Variants in CHIC2 observed in about 807,000 individuals in gnomAD.
CHIC2 encodes cysteine rich hydrophobic domain 2.
A neutral mutation model predicts 25.9 loss-of-function variants in CHIC2; 14 were observed. The ratio of observed to expected loss-of-function variants is 0.54; its 90% CI spans 0.36 to 0.85. The LOEUF (loss-of-function observed/expected upper bound fraction) is 0.85, where lower values mean the gene tolerates loss of function less well. Ranked by LOEUF, CHIC2 falls within the 40% of genes least tolerant of loss-of-function variation. CHIC2 has a pLI of 0.01. For missense variants in CHIC2, 146 were observed against 202.0 expected, an observed-to-expected ratio of 0.72 and a Z score of 1.68; for synonymous variants, 70 against 72.0, an observed-to-expected ratio of 0.97 and a Z score of 0.14.
intron 3 of CHIC2, among the ~76,000 whole-genome samples, chr4:54,035,650 T>C (rs1716361746): frequency 1.3e-5 from 2 of 152,192 alleles, no homozygotes; most frequent in Non-Finnish European, 2.9e-5. Flanking sequence ...ATTTATTAAT[T>C]TTATTGATCT....
the CHIC2 span, among the ~76,000 whole-genome samples, chr4:54,074,862 C>G: frequency 6.6e-6 from 1 of 152,194 alleles, no homozygotes; most frequent in African/African-American, 2.4e-5. Context: ...AATCCCAACA[C>G]TTTGTGAGGC....
At chr4:54,049,144 A>G (rs923619223) in intron 2 of CHIC2, 34 bp from the exon 3 acceptor site, 4 of 1,576,460 alleles carry the variant, frequency 2.5e-6, no homozygotes, top group Non-Finnish European at 3.4e-6. Context: ...ATAACAATGC[A>G]ATATTAATGT....
chr4:54,044,864 GT>G (rs1716730136), intron 3 of CHIC2, among the ~76,000 whole-genome samples: 1 of 152,038 alleles, frequency 6.6e-6, no homozygotes, highest in Non-Finnish European at 1.5e-5. Flanking sequence ...CCAGGAGCTG[GT>G]TTTTTGAAAA....
the CHIC2 span, among the ~76,000 whole-genome samples, chr4:54,075,832 G>A: frequency 1.3e-5 from 2 of 152,174 alleles, no homozygotes; most frequent in African/African-American, 4.8e-5. Flanking sequence ...ACAGATGTGA[G>A]CCACTGTGCC....
chr4:54,065,422 C>T, upstream of CHIC2: 4 of 619,608 alleles, frequency 6.5e-6, no homozygotes, highest in Non-Finnish European at 8.1e-6. Flanking sequence ...TTACCAGTTC[C>T]TACCACAAAA....
the CHIC2 span, among the ~76,000 whole-genome samples, chr4:54,085,964 G>T: frequency 6.6e-6 from 1 of 151,458 alleles, no homozygotes; most frequent in Non-Finnish European, 1.5e-5. Flanking sequence ...AAAACAAAAA[G>T]TCCTATCTAG....
chr4:54,074,553 T>A, the CHIC2 span, among the ~76,000 whole-genome samples: 63 of 151,564 alleles, frequency 4.2e-4, no homozygotes, highest in African/African-American at 1.4e-3. Flanking sequence ...AAAAGAGAAG[T>A]TGTTTCTATG....
chr4:54,031,042 G>C (rs1286129818), intron 3 of CHIC2, among the ~76,000 whole-genome samples: 1 of 151,814 alleles, frequency 6.6e-6, no homozygotes, highest in African/African-American at 2.4e-5. Context: ...ACCACTCCTG[G>C]ATTCTTTTTA....
intron 3 of CHIC2, among the ~76,000 whole-genome samples, chr4:54,039,807 T>C (rs547678114): frequency 6.6e-6 from 1 of 152,276 alleles, no homozygotes; most frequent in African/African-American, 2.4e-5. Flanking sequence ...AACTGATAAA[T>C]GGATAAACAA....
chr4:54,054,972 T>C (rs1015071651), intron 1 of CHIC2, among the ~76,000 whole-genome samples: 3 of 151,954 alleles, frequency 2.0e-5, no homozygotes, highest in South Asian at 4.2e-4. Context: ...TGGTAGAACA[T>C]TAAAAGGACT....
At chr4:54,049,138 C>T (rs2110085336) in intron 2 of CHIC2, 28 bp from the exon 3 acceptor site, 1 of 1,584,180 alleles carries the variant, frequency 6.3e-7, no homozygotes. Flanking sequence ...GAAATAATAA[C>T]AATGCAATAT....
the CHIC2 span, among the ~76,000 whole-genome samples, chr4:54,071,601 C>T: frequency 6.6e-6 from 1 of 152,314 alleles, no homozygotes; most frequent in Non-Finnish European, 1.5e-5. Flanking sequence ...TCTTAAACAC[C>T]ACTAGAGAAA....
At chr4:54,089,006 TCTC>T in the CHIC2 span, among the ~76,000 whole-genome samples, 2 of 152,070 alleles carry the variant, frequency 1.3e-5, no homozygotes, top group African/African-American at 4.8e-5. Context: ...TACCTTCTCT[TCTC>T]CTAGTTTCCA....
At chr4:54,078,369 A>G in the CHIC2 span, among the ~76,000 whole-genome samples, 3 of 152,212 alleles carry the variant, frequency 2.0e-5, no homozygotes, top group Non-Finnish European at 4.4e-5. Context: ...CAGTTCCACA[A>G]TCTTTTCTAA....
chr4:54,070,652 A>T, the CHIC2 span, among the ~76,000 whole-genome samples: 1 of 152,022 alleles, frequency 6.6e-6, no homozygotes, highest in East Asian at 1.9e-4. Context: ...TGAACTCCTG[A>T]CCTCAGGTGA....
At chr4:54,038,934 T>C (rs972324818) in intron 3 of CHIC2, among the ~76,000 whole-genome samples, 7 of 151,958 alleles carry the variant, frequency 4.6e-5, no homozygotes, top group African/African-American at 1.2e-4. Flanking sequence ...TACAAATCAA[T>C]AGAACAGAAT....
chr4:54,038,816 G>T (rs1291606758), intron 3 of CHIC2, among the ~76,000 whole-genome samples: 2 of 151,956 alleles, frequency 1.3e-5, no homozygotes, highest in Non-Finnish European at 2.9e-5. Flanking sequence ...GAGCCCAGGA[G>T]TTCGAGACCA....
chr4:54,087,829 A>G, the CHIC2 span: 1 of 378,074 alleles, frequency 2.6e-6, no homozygotes, highest in Non-Finnish European at 5.0e-6. Context: ...AGATCTGGAA[A>G]CACTTTTTGT....
the CHIC2 span, among the ~76,000 whole-genome samples, chr4:54,073,646 A>G: frequency 6.6e-6 from 1 of 152,140 alleles, no homozygotes; most frequent in African/African-American, 2.4e-5. Flanking sequence ...CCACCCAGCC[A>G]TTCACCAATT....
Sources: allele counts gnomAD v4.1 joint callset (sites outside exome capture counted in the v4.1 genomes callset), GRCh38; gene constraint gnomAD v4.1.1; transcripts MANE v1.5; gene names NCBI Gene and HGNC (gene_info 2026-07-23, HGNC 2026-07-21).